Variants in TP53BP1 observed in about 807,000 individuals in gnomAD.
TP53BP1 encodes TP53-binding protein 1.
A neutral mutation model predicts 200.8 loss-of-function variants in TP53BP1; 61 were observed. The observed-to-expected ratio is 0.30, with a 90% CI of 0.25 to 0.38. The LOEUF (loss-of-function observed/expected upper bound fraction) is 0.38, where lower values mean the gene tolerates loss of function less well. Ranked by LOEUF, TP53BP1 falls within the 10% of genes least tolerant of loss-of-function variation. The pLI, the probability that TP53BP1 is intolerant of heterozygous loss-of-function variation, is 1.00. For synonymous variants in TP53BP1, 822 were observed against 844.3 expected (o/e 0.97, Z 0.46); for missense variants, 2,144 against 2,371.9 (o/e 0.90, Z 2.00).
upstream of TP53BP1, among the ~76,000 whole-genome samples, chr15:43,496,794 G>A (rs1195362182): frequency 2.0e-5 from 3 of 151,934 alleles, no homozygotes; most frequent in Non-Finnish European, 4.4e-5. Context: ...GGCTAATTTT[G>A]TATTTTTAGT....
chr15:43,409,841 A>G (rs565152672), intron 24 of TP53BP1, 100 bp from the exon 25 acceptor site: 3 of 553,850 alleles, frequency 5.4e-6, no homozygotes, highest in South Asian at 2.7e-5. Context: ...CTCCCCAGCT[A>G]TCCACAACAG....
At chr15:43,408,276 G>A (rs577083104) in intron 26 of TP53BP1, 188 bp from the exon 27 acceptor site, 5 of 577,798 alleles carry the variant, frequency 8.7e-6, no homozygotes, top group African/African-American at 1.9e-5. Context: ...CTGGGAGTTC[G>A]AGACCAGCCT....
In TP53BP1 at chr15:43,415,784, T is replaced by C. The variant is rs1423062669; in HGVS notation, c.4899A>G (p.Lys1633=). The C allele has an allele frequency of 6.2e-7, 1 of 1,613,950 alleles. No individual in the cohort carries two copies. The highest frequency in any genetic ancestry group is 8.5e-7 in the Non-Finnish European group (1 of 1,179,974). ...SLDNLVEGKR[K]RRSNVSSPAT... The stretch of plus-strand genomic sequence containing the variant: ...CTGGGGAGCTGACGTTACTGCGCCG[T>C]TTCCGCTTCCCTTCCACCAAATTGT... Residue 1633 remains lysine, a synonymous_variant, in exon 23 of 28, where the codon AAA becomes AAG. Transcript: ENST00000382044.
chr15:43,434,894 C>T (rs72707572), intron 16 of TP53BP1, among the ~76,000 whole-genome samples: 3,250 of 152,292 alleles, frequency 0.021, 52 homozygotes, highest in Middle Eastern at 0.034. Context: ...ATACCTCTCT[C>T]CCTCTCCATT....
At chr15:43,449,432 C>T (rs1239064119) in intron 12 of TP53BP1, among the ~76,000 whole-genome samples, 1 of 152,190 alleles carries the variant, frequency 6.6e-6, no homozygotes, top group African/African-American at 2.4e-5. Flanking sequence ...ATGCAATATG[C>T]AAGCATTAAT....
chr15:43,506,108 CTTTATGAAT>C (rs2079234841), intron 1 of TP53BP1, among the ~76,000 whole-genome samples: 1 of 152,166 alleles, frequency 6.6e-6, no homozygotes, highest in Non-Finnish European at 1.5e-5. Context: ...AGCATCTTTT[CTTTATGAAT>C]TGCCAGAGCT....
chr15:43,469,909 T>C lies in TP53BP1; in HGVS notation c.1338A>G (p.Pro446=), dbSNP rs754078724. ...TAGGAAGTGACCCAGGAGGGAAGACTGGTGTGCTCTGAGATATTGGTGTTG... is the reference window on the plus strand; with the variant it reads ...TAGGAAGTGACCCAGGAGGGAAGACCGGTGTGCTCTGAGATATTGGTGTTG... The part of the protein sequence containing the change: ...QASTPISQST[P]VFPPGSLPIP... The change falls in exon 11 of 28, where the codon CCA becomes CCG. Residue 446 remains proline, a synonymous_variant. Coordinates refer to ENST00000382044, the MANE Select transcript of TP53BP1 (RefSeq NM_001141980.3). The C allele has an allele frequency of 1.9e-6, 3 of 1,614,034 alleles. No individual in the cohort carries two copies. Among genetic ancestry groups the C allele is most frequent in the Non-Finnish European group, 2.5e-6 (3 of 1,180,024 alleles).
At chr15:43,436,879 G>A (rs777614352) in intron 16 of TP53BP1, among the ~76,000 whole-genome samples, 1 of 151,956 alleles carries the variant, frequency 6.6e-6, no homozygotes, top group Non-Finnish European at 1.5e-5. Context: ...AGAAATTATG[G>A]GGCTAAGCAC....
At chr15:43,421,467 G>A (rs575948296) in intron 19 of TP53BP1, among the ~76,000 whole-genome samples, 26 of 152,220 alleles carry the variant, frequency 1.7e-4, no homozygotes, top group African/African-American at 6.3e-4. Context: ...TCTACTTTAG[G>A]CTCTGGACAC....
chr15:43,456,692 C>T lies in TP53BP1; in HGVS notation c.1916G>A (p.Arg639Gln), dbSNP rs201785039. 1.9e-4 allele frequency: 312 copies of T among 1,614,012 alleles called. 1 individual carries two copies. The highest frequency in any genetic ancestry group is 5.5e-5 in the South Asian group (5 of 91,080). ...TAACACACTAGAAAGTGCCTCAGAT[C>T]GAGTAGCTGGTGACGGAACTGCCTG... The part of the protein sequence containing the change: ...GSQAVPSPAT[R>Q]SEALSSVLDQ... Residue 639 changes from arginine (R) to glutamine (Q), a missense_variant, in exon 12 of 28, where the codon CGA (arginine) becomes CAA (glutamine). Coordinates refer to ENST00000382044, the MANE Select transcript of TP53BP1 (RefSeq NM_001141980.3).
chr15:43,444,659 GCTT>G (rs1368774964), intron 14 of TP53BP1, among the ~76,000 whole-genome samples: 1 of 152,118 alleles, frequency 6.6e-6, no homozygotes, highest in South Asian at 2.1e-4. Flanking sequence ...TAGTTCATCG[GCTT>G]CTTATGAGAT....
At position 43,492,012 on chromosome 15, in the gene TP53BP1, G is replaced by T. The variant is rs767062977; in HGVS notation, c.276C>A (p.Asn92Lys). The change falls in exon 3 of 28, where the codon AAC becomes AAA. Residue 92 changes from asparagine (N) to lysine (K), a missense_variant. Physicochemically the swap from Asn to Lys is moderately conservative, Grantham distance 94. Coordinates refer to ENST00000382044, the MANE Select transcript of TP53BP1 (RefSeq NM_001141980.3). ...CTTTAAACACCTCACCTGCAACCTT[G>T]TTTTCTTTCAAATGTTCATTGAACC... is the stretch of plus-strand genomic sequence containing the variant. ...NSGFNEHLKE[N>K]KVADPVDSSN... 1.9e-6 allele frequency: 3 copies of T among 1,613,386 alleles called. No homozygotes were observed. Among genetic ancestry groups the T allele is most frequent in the Non-Finnish European group, 1.7e-6 (2 of 1,179,394 alleles).
Position 43,474,140 on chromosome 15 carries a change from C to CG in TP53BP1, c.1180+532dup, listed in dbSNP as rs575234634. On this transcript the variant is annotated intron_variant, in intron 10 of 27. Transcript: ENST00000382044. ...CCCGGGTGCTAAGCCCCTCATTGCC[C>CG]GGGGGGCCGGCAGGGCCGGCCGGCT... is the stretch of plus-strand genomic sequence containing the variant. Among the ~76,000 whole-genome samples the CG allele has an allele frequency of 4.7e-3, 713 of 152,274 alleles. 9 individuals carry two copies. The highest frequency in any genetic ancestry group is 0.016 in the African/African-American group (684 of 41,566).
chr15:43,490,806 C>A (rs745660011), intron 4 of TP53BP1, among the ~76,000 whole-genome samples: 3 of 152,100 alleles, frequency 2.0e-5, no homozygotes, highest in Non-Finnish European at 2.9e-5. Flanking sequence ...TCAATTTTCC[C>A]GTCTATACAA....
chr15:43,415,176 G>GCATT (rs1428557911), intron 23 of TP53BP1: 1 of 272,134 alleles, frequency 3.7e-6, no homozygotes, highest in African/African-American at 2.3e-5. Flanking sequence ...AGTAGTCAAA[G>GCATT]AATGGTGTGA....
At chr15:43,458,793 CA>C (rs36041864) in intron 11 of TP53BP1, among the ~76,000 whole-genome samples, 45 of 141,520 alleles carry the variant, frequency 3.2e-4, no homozygotes, top group Non-Finnish European at 3.9e-4. Flanking sequence ...CAAAAAAAGA[CA>C]AAAAAAAAAA....
chr15:43,405,313 C>A lies in TP53BP1; in HGVS notation c.*2070G>T. ...CTAGCCACACACAAATAAATATCTG[C>A]GGCTTAGTGATAGGACTCTACCTTT... On this transcript the variant is annotated 3_prime_UTR_variant, in exon 28 of 28. Transcript: ENST00000382044. 3 of 1,389,280 alleles carry A rather than the reference C, an allele frequency of 2.2e-6. No individual in the cohort carries two copies. The highest frequency in any genetic ancestry group is 1.2e-5 in the South Asian group (1 of 84,698). 86.1% of individuals were successfully genotyped at this position (1,389,280 alleles called of 1,614,324 possible).
chr15:43,404,262 G>T lies in TP53BP1; in HGVS notation c.*3121C>A. 1 of 826,314 alleles carries T rather than the reference G, an allele frequency of 1.2e-6. No homozygotes were observed. Among genetic ancestry groups the T allele is most frequent in the Non-Finnish European group, 1.8e-6 (1 of 540,958 alleles). 51.2% of individuals were successfully genotyped at this position (826,314 alleles called of 1,614,324 possible). ...ATGGATTTGGTACAAGTCATTTTAG[G>T]AACTAATAGAAATAGGAATGTGGGA... On this transcript the variant is annotated 3_prime_UTR_variant, in exon 28 of 28. Coordinates refer to ENST00000382044, the MANE Select transcript of TP53BP1 (RefSeq NM_001141980.3).
At chr15:43,447,692 C>A (rs932221038) in intron 12 of TP53BP1, among the ~76,000 whole-genome samples, 2 of 152,056 alleles carry the variant, frequency 1.3e-5, no homozygotes, top group African/African-American at 2.4e-5. Context: ...TCACAGCCAA[C>A]AACTATAGTA....
Sources: gnomAD v4.1 joint callset for allele counts (sites outside exome capture counted in the v4.1 genomes callset) on GRCh38, gnomAD v4.1.1 for gene constraint, MANE v1.5 for transcripts, NCBI Gene and HGNC (gene_info 2026-07-23, HGNC 2026-07-21) for gene names.